The following MARF1 variants were observed in gnomAD, a reference collection of about 807,000 sequenced individuals.
MARF1 encodes meiosis regulator and mRNA stability factor 1.
In MARF1, 24 loss-of-function variants were observed where a neutral mutation model predicts 168.2. The ratio of observed to expected loss-of-function variants is 0.14; its 90% CI spans 0.10 to 0.20. The LOEUF is 0.20. MARF1 is among the 10% of genes least tolerant of loss of function. The probability of loss-of-function intolerance (pLI) is 1.00; values close to 1 mark genes in which losing one functional copy is unlikely to be tolerated. For synonymous variants in MARF1, 868 were observed against 822.4 expected (o/e 1.06, Z -0.95); for missense variants, 1,744 against 2,143.6 (o/e 0.81, Z 3.68).
chr16:15,613,690 A>AATAAATAC (rs2033789648), intron 16 of MARF1, among the ~76,000 whole-genome samples: 1 of 60,026 alleles, frequency 1.7e-5, no homozygotes, highest in African/African-American at 1.0e-4. Context: ...TAAATAAATA[A>AATAAATAC]AATAAAATAA....
chr16:15,603,418 CTAGCCTCAGCCTTCTTAG>C (rs2032704132), intron 22 of MARF1, among the ~76,000 whole-genome samples: 1 of 152,102 alleles, frequency 6.6e-6, no homozygotes, highest in Non-Finnish European at 1.5e-5. Context: ...AAGTGATTCT[CTAGCCTCAGCCTTCTTAG>C]TAGCTGGGAT....
Position 15,624,847 on chromosome 16 carries a change from C to T in MARF1, c.2192G>A (p.Ser731Asn), listed in dbSNP as rs1227894509. Reference sequence around the variant, plus strand: ...TAACTTGCTAAAAGCAGACGGGTAACTCACTTGGAATACAGTCTCCTCTTT... The same window carrying T: ...TAACTTGCTAAAAGCAGACGGGTAATTCACTTGGAATACAGTCTCCTCTTT... Reference protein sequence around the residue: ...KDKEETVFQVSYPSAFSKLVA... With the variant: ...KDKEETVFQVNYPSAFSKLVA... The change falls in exon 10 of 27, where the codon AGT becomes AAT. Residue 731 changes from serine to asparagine, a missense_variant. Around this residue, in one of 7 missense-constraint regions of MARF1, gnomAD observed 270 missense variants for 260.6 expected, o/e 1.04. Transcript: ENST00000396368. 2 of 1,614,068 alleles carry T rather than the reference C, an allele frequency of 1.2e-6. No individual in the cohort carries two copies. The highest frequency in any genetic ancestry group is 2.7e-5 in the African/African-American group (2 of 74,916).
At position 15,604,155 on chromosome 16, in the gene MARF1, T is replaced by C; in HGVS notation, c.4413+13A>G. 1.3e-6 allele frequency: 2 copies of C among 1,579,390 alleles called. No individual in the cohort carries two copies. Among genetic ancestry groups the C allele is most frequent in the South Asian group, 1.1e-5 (1 of 90,354 alleles). ...TTTCAATGATAGTTCTAAAGAGCCA[T>C]TAACGTGCCTACCTCAACCAAGTAT... On this transcript the variant is annotated intron_variant, in intron 22 of 26. Transcript: ENST00000396368.
intron 15 of MARF1, 59 bp downstream of exon 15, chr16:15,616,993 G>A (rs995425006): frequency 6.4e-7 from 1 of 1,570,130 alleles, no homozygotes; most frequent in Non-Finnish European, 8.6e-7. Context: ...GAAAGGGCAG[G>A]CTTCCTATAA....
chr16:15,617,764 C>G (rs2034174701), intron 13 of MARF1, among the ~76,000 whole-genome samples: 1 of 152,140 alleles, frequency 6.6e-6, no homozygotes, highest in Non-Finnish European at 1.5e-5. Context: ...CATTTGAAAG[C>G]CACCCCCAGC....
intron 7 of MARF1, among the ~76,000 whole-genome samples, chr16:15,627,049 A>AAACG (rs913428122): frequency 1.6e-4 from 25 of 152,000 alleles, no homozygotes; most frequent in African/African-American, 4.3e-4. Flanking sequence ...AAGAACGAAC[A>AAACG]AACGAACGAA....
In MARF1 at chr16:15,594,964, G is replaced by A. The variant is rs1382618633; in HGVS notation, c.*1729C>T. The stretch of plus-strand genomic sequence containing the variant: ...TTTTAAAGTCCACCACTCTTTACAT[G>A]CTAGCAGAACTGAAGTCCAAGCGTG... On this transcript the variant is annotated 3_prime_UTR_variant, in exon 27 of 27. Coordinates refer to ENST00000396368, the MANE Select transcript of MARF1 (RefSeq NM_014647.4). 1 of 152,618 alleles carries A rather than the reference G, an allele frequency of 6.6e-6. No homozygotes were observed. Among genetic ancestry groups the A allele is most frequent in the East Asian group, 1.9e-4 (1 of 5,194 alleles). The allele number at this position is 152,618 out of a possible 1,614,324, so 9.5% of individuals were successfully genotyped here.
Position 15,625,789 on chromosome 16 carries a change from A to C in MARF1, c.1536T>G (p.Thr512=), listed in dbSNP as rs1290125357. ...CTGGTAGGTTATAAACATAGAGCAG[A>C]GTGTGGCACTGCTAATACAGAGGAA... is the stretch of plus-strand genomic sequence containing the variant. ...RLPLKMPQCH[T]LLYVYNLPAN... Residue 512 remains threonine (T), a synonymous_variant, in exon 8 of 27, where the codon ACT becomes ACG. Coordinates refer to ENST00000396368, the MANE Select transcript of MARF1 (RefSeq NM_014647.4). The C allele has an allele frequency of 6.2e-7, 1 of 1,612,824 alleles. No homozygotes were observed. The highest frequency in any genetic ancestry group is 1.3e-5 in the African/African-American group (1 of 75,028).
rs1453776305 is a variant in MARF1 at position 15,621,916 on chromosome 16, A to G, written c.2461-5T>C. 6.2e-7 allele frequency: 1 copy of G among 1,611,160 alleles called. No individual in the cohort carries two copies. The highest frequency in any genetic ancestry group is 8.5e-7 in the Non-Finnish European group (1 of 1,179,024). ...GCTGAGCTCAACACTCTTCACCTAC[A>G]ACAGGAAAAGCGAAAACTAAACGCT... On this transcript the variant is annotated splice_region_variant and splice_polypyrimidine_tract_variant and intron_variant, in intron 11 of 26. Coordinates refer to ENST00000396368, the MANE Select transcript of MARF1 (RefSeq NM_014647.4).
At chr16:15,617,832 C>T (rs1408605428) in intron 13 of MARF1, among the ~76,000 whole-genome samples, 5 of 152,142 alleles carry the variant, frequency 3.3e-5, no homozygotes, top group African/African-American at 9.7e-5. Context: ...AAACCTCTCT[C>T]GATGCAGCTC....
chr16:15,615,832 G>A lies in MARF1; in HGVS notation c.3251C>T (p.Thr1084Ile), dbSNP rs1376178333. The change falls in exon 16 of 27, where the codon ACT (threonine) becomes ATT (isoleucine). Residue 1084 changes from threonine to isoleucine, a missense_variant and splice_region_variant. Thr to Ile is a moderately conservative substitution (Grantham distance 89). Transcript: ENST00000396368. Reference sequence around the variant, plus strand: ...AGGACAAAATACCTGACACCTACCAGTGTTGGGAGGCGGGGGCTTGTTGTG... The same window carrying A: ...AGGACAAAATACCTGACACCTACCAATGTTGGGAGGCGGGGGCTTGTTGTG... ...WIHNKPPPPN[T>I]DPWLLRSKSP... is the part of the protein sequence containing the mutation. The A allele has an allele frequency of 1.9e-6, 3 of 1,553,384 alleles. No individual in the cohort carries two copies. Among genetic ancestry groups the A allele is most frequent in the African/African-American group, 1.4e-5 (1 of 72,794 alleles).
In MARF1 at chr16:15,633,775, T is replaced by C; in HGVS notation, c.1075A>G (p.Ile359Val). 2 of 1,614,132 alleles carry C rather than the reference T, an allele frequency of 1.2e-6. No homozygotes were observed. Among genetic ancestry groups the C allele is most frequent in the Non-Finnish European group, 1.7e-6 (2 of 1,180,000 alleles). The change falls in exon 5 of 27, where the codon ATT (isoleucine) becomes GTT (valine). Residue 359 changes from isoleucine to valine, a missense_variant. Physicochemically the swap from Ile to Val is conservative, Grantham distance 29. Coordinates refer to ENST00000396368, the MANE Select transcript of MARF1 (RefSeq NM_014647.4). ...NLPPIGVFWD[I>V]ENCSVPSGRS... ...CCAGAGGGAACGGAGCAGTTTTCAA[T>C]ATCCCAAAAAACTCCAATGGGGGGT...
chr16:15,613,555 A>G (rs1397889207), intron 16 of MARF1, among the ~76,000 whole-genome samples: 4 of 151,682 alleles, frequency 2.6e-5, no homozygotes, highest in Non-Finnish European at 4.4e-5. Context: ...CCAGCTACTC[A>G]GGAGGCTGAG....
At chr16:15,623,733 G>A (rs1281478978) in intron 10 of MARF1, among the ~76,000 whole-genome samples, 1 of 152,120 alleles carries the variant, frequency 6.6e-6, no homozygotes, top group Non-Finnish European at 1.5e-5. Flanking sequence ...TTAACCTTCT[G>A]CTTTGTGCAT....
At chr16:15,606,323 A>G (rs945464366) in intron 21 of MARF1, among the ~76,000 whole-genome samples, 5 of 152,008 alleles carry the variant, frequency 3.3e-5, no homozygotes, top group African/African-American at 9.7e-5. Context: ...CCTGACGCCC[A>G]TCGGTAAACT....
At chr16:15,642,873 G>A (rs749043211) in intron 1 of MARF1, 145 bp downstream of exon 1, 2 of 161,214 alleles carry the variant, frequency 1.2e-5, no homozygotes, top group South Asian at 1.3e-4. Context: ...CCCAACTGGC[G>A]CGTCCCAGTT....
chr16:15,615,388 GGC>G (rs1201145434), intron 16 of MARF1, among the ~76,000 whole-genome samples: 6 of 152,168 alleles, frequency 3.9e-5, no homozygotes, highest in Non-Finnish European at 8.8e-5. Flanking sequence ...CACTTTGGGA[GGC>G]GGAGGCAAGT....
rs748750651 is a variant in MARF1, at chr16:15,635,920, T to C, written c.567A>G (p.Lys189=). The C allele has an allele frequency of 2.5e-6, 4 of 1,613,990 alleles. No individual in the cohort carries two copies. Among genetic ancestry groups the C allele is most frequent in the Non-Finnish European group, 3.4e-6 (4 of 1,180,038 alleles). Residue 189 remains lysine (K), a synonymous_variant, in exon 3 of 27, where the codon AAA becomes AAG. Transcript: ENST00000396368. ...GGAGTTTTCCACAACAGGGCAGGTG[T>C]TTGCAGGAAGACAGGTTACTCTCTA... The part of the protein sequence containing the change: ...MCLESNLSSC[K]HLPCCGKLHF...
chr16:15,633,509 G>T, intron 5 of MARF1, 108 bp downstream of exon 5: 1 of 813,254 alleles, frequency 1.2e-6, no homozygotes, highest in Non-Finnish European at 1.9e-6. Context: ...ATGCGTCACT[G>T]CACTCCAGCC....
Sources: allele counts gnomAD v4.1 joint callset (sites outside exome capture counted in the v4.1 genomes callset), GRCh38; gene constraint gnomAD v4.1.1; regional missense constraint gnomAD v4.1.1; transcripts MANE v1.5; gene names NCBI Gene and HGNC (gene_info 2026-07-23, HGNC 2026-07-21).